CCZ1B: variants seen among roughly 807,000 people sequenced by gnomAD.
CCZ1B encodes vacuolar fusion protein CCZ1 homolog B.
Under a neutral mutation model 58.8 loss-of-function variants are expected in CCZ1B, and 25 were observed. That is an observed-to-expected ratio of 0.43 (90% CI 0.31 to 0.59). CCZ1B has a LOEUF of 0.59. Among genes scored for constraint, CCZ1B ranks in the 20% least tolerant of loss-of-function variants. The pLI, the probability that CCZ1B is intolerant of heterozygous loss-of-function variation, is 0.12. For missense variants in CCZ1B, 180 were observed against 501.5 expected (o/e 0.36, Z 6.12); for synonymous variants, 66 against 173.2 (o/e 0.38, Z 4.86).
intron 9 of CCZ1B, among the ~76,000 whole-genome samples, chr7:6,812,692 G>A (rs1782937589): frequency 1.3e-5 from 2 of 151,900 alleles, no homozygotes; most frequent in African/African-American, 4.9e-5. Flanking sequence ...GGAGGCCAAG[G>A]CAGGTGGATC....
intron 10 of CCZ1B, among the ~76,000 whole-genome samples, chr7:6,810,048 G>C (rs1433009167): frequency 1.3e-5 from 2 of 150,380 alleles, no homozygotes; most frequent in African/African-American, 5.0e-5. Flanking sequence ...GTCTTGCTCT[G>C]TTGCCCAGAC....
intron 6 of CCZ1B, 30 bp downstream of exon 6, chr7:6,822,251 A>G (rs544760253): frequency 5.1e-6 from 8 of 1,557,852 alleles, no homozygotes; most frequent in South Asian, 4.9e-5. Flanking sequence ...AATGCTTAGT[A>G]AAGTTATAAA....
rs1175285257 is a variant in CCZ1B at position 6,812,318 on chromosome 7, A to G, written c.843-255T>C. 6.0e-5 allele frequency: 26 copies of G among 436,922 alleles called. 2 individuals are homozygous for G. The highest frequency in any genetic ancestry group is 3.3e-4 in the African/African-American group (15 of 45,036). The allele number at this position is 436,922 out of a possible 1,614,324, so 27.1% of individuals were successfully genotyped here. On this transcript the variant is annotated intron_variant, in intron 9 of 14. Transcript: ENST00000316731. ...AGCCTGGCCAACATGGCAAAACCTC[A>G]TCTCTACTAAAACTACAAAAATTAG...
Position 6,814,551 on chromosome 7 carries a change from C to T in CCZ1B, c.780+213G>A, listed in dbSNP as rs1226616978. ...AAAACCAACACACAGACACACAAAA[C>T]GATGCTTTCTGTATCACATCTGAAT... On this transcript the variant is annotated intron_variant, in intron 8 of 14. Coordinates refer to ENST00000316731, the MANE Select transcript of CCZ1B (RefSeq NM_198097.5). 27 of 426,892 alleles carry T rather than the reference C, an allele frequency of 6.3e-5. 2 individuals are homozygous for T. Among genetic ancestry groups the T allele is most frequent in the Middle Eastern group, 5.6e-4 (1 of 1,796 alleles). The allele number at this position is 426,892 out of a possible 1,614,324, so 26.4% of individuals were successfully genotyped here.
intron 10 of CCZ1B, among the ~76,000 whole-genome samples, chr7:6,810,208 T>TC (rs954377147): frequency 6.7e-6 from 1 of 149,336 alleles, no homozygotes; most frequent in African/African-American, 2.5e-5. Context: ...AGACAGGGTT[T>TC]CCCCATGTTG....
At chr7:6,818,828 T>C (rs1264653503) in intron 7 of CCZ1B, among the ~76,000 whole-genome samples, 1 of 148,804 alleles carries the variant, frequency 6.7e-6, no homozygotes, top group Non-Finnish European at 1.5e-5. Flanking sequence ...CTAGGCCAAA[T>C]GTGCACAACC....
intron 7 of CCZ1B, among the ~76,000 whole-genome samples, chr7:6,818,965 A>G (rs1783064166): frequency 6.8e-6 from 1 of 147,702 alleles, no homozygotes; most frequent in East Asian, 1.9e-4. Flanking sequence ...AACACTTTGG[A>G]TTTCTTGGAT....
chr7:6,809,483 G>A (rs145667997), intron 10 of CCZ1B, among the ~76,000 whole-genome samples: 1 of 146,274 alleles, frequency 6.8e-6, no homozygotes, highest in Admixed American at 6.7e-5. Flanking sequence ...TACACACCAG[G>A]GTTATGGAGA....
chr7:6,813,798 T>C (rs866482539), intron 8 of CCZ1B, among the ~76,000 whole-genome samples: 5 of 148,796 alleles, frequency 3.4e-5, no homozygotes, highest in Non-Finnish European at 5.9e-5. Flanking sequence ...CTACACAGGT[T>C]GATTGTTTTA....
In CCZ1B at chr7:6,825,640, A is replaced by C. The variant is rs1333992283; in HGVS notation, c.120+438T>G. On this transcript the variant is annotated intron_variant, in intron 1 of 14. Transcript: ENST00000316731. Reference sequence around the variant, plus strand: ...AAGTCGCCGTCCCCACCTCAGAAAAACCACACACACACACACACACACACC... The same window carrying C: ...AAGTCGCCGTCCCCACCTCAGAAAACCCACACACACACACACACACACACC... Among the ~76,000 whole-genome samples, 13 of 85,850 alleles carry C rather than the reference A, an allele frequency of 1.5e-4. 3 individuals carry two copies. The highest frequency in any genetic ancestry group is 6.3e-4 in the African/African-American group (12 of 19,142). 56.3% of individuals were successfully genotyped at this position (85,850 alleles called of 152,430 possible).
At chr7:6,821,524 T>G (rs565179966) in intron 6 of CCZ1B, among the ~76,000 whole-genome samples, 115 of 152,296 alleles carry the variant, frequency 7.6e-4, no homozygotes, top group Non-Finnish European at 1.6e-3. Flanking sequence ...GAAAGCTGTT[T>G]TAGAAAGTCG....
chr7:6,818,925 C>T (rs1318654689), intron 7 of CCZ1B, among the ~76,000 whole-genome samples: 1 of 148,208 alleles, frequency 6.7e-6, no homozygotes, highest in Non-Finnish European at 1.5e-5. Flanking sequence ...AACCTAGTTT[C>T]ACGATAGCAG....
intron 10 of CCZ1B, among the ~76,000 whole-genome samples, chr7:6,810,215 G>C (rs1245226257): frequency 6.7e-6 from 1 of 149,420 alleles, no homozygotes; most frequent in Non-Finnish European, 1.5e-5. Flanking sequence ...GTTTCCCCAT[G>C]TTGGCCAGGC....
At chr7:6,823,637 G>C (rs1407804956) in intron 4 of CCZ1B, among the ~76,000 whole-genome samples, 2 of 149,404 alleles carry the variant, frequency 1.3e-5, no homozygotes, top group Admixed American at 1.3e-4. Flanking sequence ...TCCTGCCTCA[G>C]CCTCCTGAGA....
At chr7:6,818,442 G>A (rs1783042045) in intron 7 of CCZ1B, among the ~76,000 whole-genome samples, 1 of 149,212 alleles carries the variant, frequency 6.7e-6, no homozygotes, top group African/African-American at 2.5e-5. Context: ...CCAGCTACCT[G>A]GGAGGCTGAG....
At chr7:6,808,447 T>TA (rs1251605179) in intron 10 of CCZ1B, among the ~76,000 whole-genome samples, 3 of 146,120 alleles carry the variant, frequency 2.1e-5, no homozygotes, top group Admixed American at 2.0e-4. Flanking sequence ...CAAACCAACC[T>TA]AAAGCAAATA....
chr7:6,802,035 C>T lies in CCZ1B; in HGVS notation c.1107-512G>A, dbSNP rs543894371. Among the ~76,000 whole-genome samples the T allele has an allele frequency of 3.8e-3, 403 of 105,478 alleles. 17 individuals carry two copies. The highest frequency in any genetic ancestry group is 0.014 in the African/African-American group (386 of 28,332). 69.2% of individuals were successfully genotyped at this position (105,478 alleles called of 152,430 possible). On this transcript the variant is annotated intron_variant, in intron 12 of 14. Coordinates refer to ENST00000316731, the MANE Select transcript of CCZ1B (RefSeq NM_198097.5). Reference sequence around the variant, plus strand: ...AGATACTTATTATTGGGTCCTTTACCGTAAAAGTCTGCTGACCCCTGCTTG... The same window carrying T: ...AGATACTTATTATTGGGTCCTTTACTGTAAAAGTCTGCTGACCCCTGCTTG...
At chr7:6,812,107 G>A (rs1782925696) in intron 9 of CCZ1B, 44 bp from the exon 10 acceptor site, 3 of 867,892 alleles carry the variant, frequency 3.5e-6, no homozygotes, top group African/African-American at 1.8e-5. Flanking sequence ...CGAGGTGAAG[G>A]AGAATCAGGA....
rs28658371 is a variant in CCZ1B, at chr7:6,818,128, G to C, written c.698+1638C>G. On this transcript the variant is annotated intron_variant, in intron 7 of 14. Coordinates refer to ENST00000316731, the MANE Select transcript of CCZ1B (RefSeq NM_198097.5). ...GATTCAAATTTCTTTACAGTAACTT[G>C]TTTCTCTTCTTAAAATGGAGCTACA... is the stretch of plus-strand genomic sequence containing the variant. Among the ~76,000 whole-genome samples the C allele has an allele frequency of 5.8e-3, 867 of 149,978 alleles. 88 individuals carry two copies. Among genetic ancestry groups the C allele is most frequent in the African/African-American group, 0.02 (815 of 39,910 alleles).
Sources: allele counts gnomAD v4.1 joint callset (sites outside exome capture counted in the v4.1 genomes callset), GRCh38; gene constraint gnomAD v4.1.1; transcripts MANE v1.5; gene names NCBI Gene and HGNC (gene_info 2026-07-23, HGNC 2026-07-21).